Variants in CNTN1 observed in about 807,000 individuals in gnomAD.
CNTN1 encodes the protein contactin 1, also known as contactin-1.
CNTN1 carries 38 observed loss-of-function variants against 126.4 expected under a neutral mutation model. The ratio of observed to expected loss-of-function variants is 0.30; its 90% CI spans 0.23 to 0.39. The LOEUF (loss-of-function observed/expected upper bound fraction) is 0.39. Ranked by LOEUF, CNTN1 falls within the 10% of genes least tolerant of loss-of-function variation. CNTN1 has a pLI of 1.00. For synonymous variants in CNTN1, 413 were observed against 422.6 expected, an observed-to-expected ratio of 0.98 and a Z score of 0.28; for missense variants, 1,009 against 1,248.4, an observed-to-expected ratio of 0.81 and a Z score of 2.89.
At chr12:41,056,172 T>C (rs938426335) in intron 23 of CNTN1, among the ~76,000 whole-genome samples, 10 of 152,130 alleles carry the variant, frequency 6.6e-5, no homozygotes, top group Non-Finnish European at 1.3e-4. Flanking sequence ...AAAATAATTT[T>C]CCAGCTATAA....
chr12:40,948,956 T>C (rs1265382720), intron 14 of CNTN1, among the ~76,000 whole-genome samples: 1 of 152,218 alleles, frequency 6.6e-6, no homozygotes, highest in Non-Finnish European at 1.5e-5. Context: ...TGTTTGCAGG[T>C]ATGTGGGTGT....
chr12:40,814,627 C>T (rs961502753), intron 1 of CNTN1, among the ~76,000 whole-genome samples: 9 of 152,194 alleles, frequency 5.9e-5, no homozygotes, highest in East Asian at 3.9e-4. Flanking sequence ...AGTCAGGTAG[C>T]GTGATGCCTT....
chr12:41,069,031 C>T (rs11179687), intron 23 of CNTN1, among the ~76,000 whole-genome samples: 17,282 of 152,116 alleles, frequency 0.11, 1,238 homozygotes, highest in Non-Finnish European at 0.16. Flanking sequence ...GAAGATAGTG[C>T]CTAATAGTTG....
chr12:40,961,222 C>T (rs1254856816), intron 15 of CNTN1, among the ~76,000 whole-genome samples: 1 of 151,820 alleles, frequency 6.6e-6, no homozygotes, highest in African/African-American at 2.4e-5. Context: ...TACTGCTTAC[C>T]TCTGTTAAAG....
rs770465885 is a variant in CNTN1, at chr12:40,918,621, A to C, written c.95-18A>C. ...TTATAAAGCAGTACAATGTAAAACA[A>C]TTTCATATTTCTTGTAGTTTCTGAG... On this transcript the variant is annotated intron_variant, in intron 3 of 23. Transcript: ENST00000551295. 1.2e-6 allele frequency: 2 copies of C among 1,611,178 alleles called. No individual in the cohort carries two copies. The highest frequency in any genetic ancestry group is 1.1e-5 in the South Asian group (1 of 91,034).
intron 15 of CNTN1, among the ~76,000 whole-genome samples, chr12:40,964,525 AGTGTGTGTGTGTGTGT>A (rs369450437): frequency 1.9e-5 from 2 of 104,716 alleles, no homozygotes; most frequent in East Asian, 3.6e-4. Flanking sequence ...CGTGTAAGTG[AGTGTGTGTGTGTGTGT>A]GTGTGTGTGT....
intron 1 of CNTN1, among the ~76,000 whole-genome samples, chr12:40,876,047 A>G (rs1943656682): frequency 6.6e-6 from 1 of 151,914 alleles, no homozygotes; most frequent in Non-Finnish European, 1.5e-5. Flanking sequence ...TTTACCACCA[A>G]TATTTTTAAT....
intron 17 of CNTN1, among the ~76,000 whole-genome samples, chr12:41,011,269 C>T (rs1050202255): frequency 1.3e-5 from 2 of 152,188 alleles, no homozygotes; most frequent in Non-Finnish European, 2.9e-5. Context: ...CCCTTTGGGC[C>T]TGCCTGATAT....
At chr12:40,910,240 T>C (rs1944978508) in intron 3 of CNTN1, 135 bp downstream of exon 3, 1 of 663,084 alleles carries the variant, frequency 1.5e-6, no homozygotes, top group African/African-American at 1.8e-5. Context: ...TTTTGTAAGG[T>C]GGTCTTTCTG....
rs1566075589 is a variant in CNTN1, at chr12:40,975,969, A to T, written c.1805-4940A>T. ...GGATATGATATATGAGCGTAATAAA[A>T]TGTATTTCAAAAACTCGAGAGCATG... On this transcript the variant is annotated intron_variant, in intron 15 of 23. Transcript: ENST00000551295. Among the ~76,000 whole-genome samples, 3 of 152,178 alleles carry T rather than the reference A, an allele frequency of 2.0e-5. No homozygotes were observed. In the East Asian group the frequency reaches 5.8e-4, roughly 29 times the overall value.
chr12:41,001,552 T>A (rs998136284), intron 17 of CNTN1, among the ~76,000 whole-genome samples: 2 of 152,320 alleles, frequency 1.3e-5, no homozygotes, highest in East Asian at 3.9e-4. Context: ...CTAGGTTGTC[T>A]GTTCACTCTG....
intron 1 of CNTN1, among the ~76,000 whole-genome samples, chr12:40,878,952 A>G (rs896463897): frequency 1.3e-5 from 2 of 152,162 alleles, no homozygotes; most frequent in Non-Finnish European, 2.9e-5. Flanking sequence ...ATAGCTTTCA[A>G]TTAGTTGTTT....
At chr12:40,781,244 A>G (rs948526309) in intron 1 of CNTN1, among the ~76,000 whole-genome samples, 6 of 152,054 alleles carry the variant, frequency 3.9e-5, no homozygotes, top group African/African-American at 1.4e-4. Flanking sequence ...CCTGTGGGAC[A>G]AAAGGCCTCA....
chr12:40,970,032 A>G (rs2137041511), intron 15 of CNTN1, among the ~76,000 whole-genome samples: 1 of 151,970 alleles, frequency 6.6e-6, no homozygotes, highest in African/African-American at 2.4e-5. Flanking sequence ...CCTCCTTCAC[A>G]CATTCCTGAG....
chr12:40,944,399 A>G (rs1946366549), intron 14 of CNTN1, among the ~76,000 whole-genome samples: 1 of 152,046 alleles, frequency 6.6e-6, no homozygotes, highest in African/African-American at 2.4e-5. Flanking sequence ...ATTAATATTA[A>G]TTGGGCTTTA....
At chr12:41,000,532 T>C (rs1192879079) in intron 17 of CNTN1, among the ~76,000 whole-genome samples, 1 of 152,174 alleles carries the variant, frequency 6.6e-6, no homozygotes, top group Non-Finnish European at 1.5e-5. Context: ...TTTCATTTTC[T>C]AACAGTCATG....
intron 1 of CNTN1, among the ~76,000 whole-genome samples, chr12:40,794,721 G>T (rs779211851): frequency 6.6e-6 from 1 of 151,938 alleles, no homozygotes; most frequent in Non-Finnish European, 1.5e-5. Flanking sequence ...AAAAAGAGAC[G>T]GGAAAGCTTA....
chr12:40,938,975 C>T (rs746970890), intron 11 of CNTN1, among the ~76,000 whole-genome samples: 2 of 151,906 alleles, frequency 1.3e-5, no homozygotes, highest in Non-Finnish European at 1.5e-5. Flanking sequence ...GGAGTTTTGC[C>T]GTGTTACCCA....
At chr12:40,956,722 T>C (rs1162715402) in intron 14 of CNTN1, among the ~76,000 whole-genome samples, 1 of 152,130 alleles carries the variant, frequency 6.6e-6, no homozygotes, top group African/African-American at 2.4e-5. Context: ...TCAAGTTGGC[T>C]ACAATAATGC....
Sources: gnomAD v4.1 joint callset for allele counts (sites outside exome capture counted in the v4.1 genomes callset) on GRCh38, gnomAD v4.1.1 for gene constraint, MANE v1.5 for transcripts, NCBI Gene and HGNC (gene_info 2026-07-23, HGNC 2026-07-21) for gene names.